GDF15: variants seen among roughly 807,000 people sequenced by gnomAD.
GDF15 encodes growth/differentiation factor 15.
GDF15 carries 10 observed loss-of-function variants against 8.9 expected under a neutral mutation model. The ratio of observed to expected loss-of-function variants is 1.12; its 90% confidence interval spans 0.69 to 1.90. The LOEUF (loss-of-function observed/expected upper bound fraction) is 1.90. Among genes scored for constraint, GDF15 ranks in the 40% most tolerant of loss-of-function variants. The pLI is 0.00. For missense variants in GDF15, 452 were observed against 434.2 expected, an observed-to-expected ratio of 1.04 and a Z score of -0.36; for synonymous variants, 228 against 210.6, an observed-to-expected ratio of 1.08 and a Z score of -0.72.
chr19:18,388,523 A>T lies in GDF15; in HGVS notation c.515A>T (p.Glu172Val). ...PPSQSDQLLA[E>V]SSSARPQLEL... ...TCGCAGTCGGACCAACTGCTGGCAGAATCTTCGTCCGCACGGCCCCAGCTG... is the reference window on the plus strand; with the variant it reads ...TCGCAGTCGGACCAACTGCTGGCAGTATCTTCGTCCGCACGGCCCCAGCTG... The change falls in exon 2 of 2, where the codon GAA becomes GTA. Residue 172 changes from glutamate to valine, a missense_variant. By Grantham distance (121) the Glu-to-Val change is moderately radical (BLOSUM62 -2). Transcript: ENST00000252809. The surrounding 1 kb of genome is among the most constrained non-coding windows in gnomAD (Gnocchi z 4.2). 2 of 1,599,888 alleles carry T rather than the reference A, an allele frequency of 1.3e-6. No homozygotes were observed. The highest frequency in any genetic ancestry group is 1.7e-6 in the Non-Finnish European group (2 of 1,175,720).
chr19:18,387,693 G>C (rs1490154674), intron 1 of GDF15, among the ~76,000 whole-genome samples: 1 of 151,902 alleles, frequency 6.6e-6, no homozygotes, highest in South Asian at 2.1e-4. Flanking sequence ...AAGATTCTAA[G>C]TAGGGAATAT....
At position 18,386,352 on chromosome 19, in the gene GDF15, G is replaced by A. The variant is rs16982331; in HGVS notation, c.163G>A (p.Glu55Lys). The change falls in exon 1 of 2, where the codon GAG becomes AAG. Residue 55 changes from glutamate to lysine, a missense_variant. Coordinates refer to ENST00000252809, the MANE Select transcript of GDF15 (RefSeq NM_004864.4). ...GCACTCCGAAGACTCCAGATTCCGA[G>A]AGTTGCGGAAACGCTACGAGGACCT... ...ELHSEDSRFR[E>K]LRKRYEDLLT... 6.2e-7 allele frequency: 1 copy of A among 1,614,148 alleles called. No homozygotes were observed. The highest frequency in any genetic ancestry group is 1.7e-5 in the Admixed American group (1 of 60,024).
intron 1 of GDF15, chr19:18,386,854 T>A: frequency 4.9e-6 from 1 of 204,006 alleles, no homozygotes. Flanking sequence ...AAGTTTGTGA[T>A]GGGCAGAGCC....
At position 18,388,361 on chromosome 19, in the gene GDF15, C is replaced by T. The variant is rs1280691975; in HGVS notation, c.353C>T (p.Ser118Phe). The change falls in exon 2 of 2, where the codon TCC (serine) becomes TTC (phenylalanine). Residue 118 changes from serine (S) to phenylalanine (F), a missense_variant. Ser to Phe is a radical substitution (Grantham distance 155). Transcript: ENST00000252809. This position sits in a 1 kb window ranked among gnomAD's most constrained non-coding sequence, Gnocchi z 4.2. ...CTTCCCGAGGGGCTCCCCGAGGCCT[C>T]CCGCCTTCACCGGGCTCTGTTCCGG... ...AALPEGLPEA[S>F]RLHRALFRLS... The T allele has an allele frequency of 6.2e-7, 1 of 1,611,798 alleles. No homozygotes were observed. Among genetic ancestry groups the T allele is most frequent in the South Asian group, 1.1e-5 (1 of 90,994 alleles).
chr19:18,387,664 G>T (rs1477897040), intron 1 of GDF15, among the ~76,000 whole-genome samples: 3 of 152,000 alleles, frequency 2.0e-5, no homozygotes, highest in Non-Finnish European at 4.4e-5. Flanking sequence ...TGTGTGCCAG[G>T]CACAGTGTCA....
chr19:18,388,500 G>GTCT lies in GDF15; in HGVS notation c.492_493insTCT (p.Ser164dup). On this transcript the variant is annotated inframe_insertion, in exon 2 of 2. Coordinates refer to ENST00000252809, the MANE Select transcript of GDF15 (RefSeq NM_004864.4). This position sits in a 1 kb window ranked among gnomAD's most constrained non-coding sequence, Gnocchi z 4.2. ...ACCTGCGACTGTCGCCGCCGCCGTCGCAGTCGGACCAACTGCTGGCAGAAT... is the reference window on the plus strand; with the variant it reads ...ACCTGCGACTGTCGCCGCCGCCGTCGTCTCAGTCGGACCAACTGCTGGCAGAAT... 2 of 1,603,484 alleles carry GTCT rather than the reference G, an allele frequency of 1.2e-6. No individual in the cohort carries two copies. The highest frequency in any genetic ancestry group is 1.7e-6 in the Non-Finnish European group (2 of 1,177,254).
In GDF15 at chr19:18,388,499, C is replaced by T. The variant is rs1305531519; in HGVS notation, c.491C>T (p.Ser164Leu). The change falls in exon 2 of 2, where the codon TCG (serine) becomes TTG (leucine). Residue 164 changes from serine (S) to leucine (L), a missense_variant. Transcript: ENST00000252809. This position sits in a 1 kb window ranked among gnomAD's most constrained non-coding sequence, Gnocchi z 4.2. ...ALHLRLSPPP[S>L]QSDQLLAESS... ...CACCTGCGACTGTCGCCGCCGCCGT[C>T]GCAGTCGGACCAACTGCTGGCAGAA... 6.2e-7 allele frequency: 1 copy of T among 1,603,842 alleles called. No individual in the cohort carries two copies. The highest frequency in any genetic ancestry group is 1.7e-5 in the Admixed American group (1 of 59,216).
Position 18,388,589 on chromosome 19 carries a change from G to T in GDF15, c.581G>T (p.Arg194Ile). 6.2e-7 allele frequency: 1 copy of T among 1,600,800 alleles called. No homozygotes were observed. ...LRPQAARGRR[R>I]ARARNGDHCP... is the part of the protein sequence containing the mutation. ...CCGCAAGCCGCCAGGGGGCGCCGCA[G>T]AGCGCGTGCGCGCAACGGGGACCAC... Residue 194 changes from arginine (R) to isoleucine (I), a missense_variant, in exon 2 of 2, where the codon AGA (arginine) becomes ATA (isoleucine). Coordinates refer to ENST00000252809, the MANE Select transcript of GDF15 (RefSeq NM_004864.4). The surrounding 1 kb of genome is among the most constrained non-coding windows in gnomAD (Gnocchi z 4.2).
rs780049947 is a variant in GDF15, at chr19:18,388,525, T to C, written c.517T>C (p.Ser173Pro). 1.3e-6 allele frequency: 2 copies of C among 1,599,368 alleles called. No homozygotes were observed. Among genetic ancestry groups the C allele is most frequent in the Non-Finnish European group, 1.7e-6 (2 of 1,175,524 alleles). Reference sequence around the variant, plus strand: ...GCAGTCGGACCAACTGCTGGCAGAATCTTCGTCCGCACGGCCCCAGCTGGA... The same window carrying C: ...GCAGTCGGACCAACTGCTGGCAGAACCTTCGTCCGCACGGCCCCAGCTGGA... Reference protein sequence around the residue: ...PSQSDQLLAESSSARPQLELH... With the variant: ...PSQSDQLLAEPSSARPQLELH... The change falls in exon 2 of 2, where the codon TCT (serine) becomes CCT (proline). Residue 173 changes from serine to proline, a missense_variant. Coordinates refer to ENST00000252809, the MANE Select transcript of GDF15 (RefSeq NM_004864.4). The surrounding 1 kb of genome is among the most constrained non-coding windows in gnomAD (Gnocchi z 4.2).
chr19:18,386,533 C>T (rs1191099141), intron 1 of GDF15, 67 bp downstream of exon 1: 1 of 1,374,980 alleles, frequency 7.3e-7, no homozygotes, highest in South Asian at 1.2e-5. Context: ...AGGGATTCCT[C>T]ATCTTGAAAA....
In GDF15 at chr19:18,388,075, T is replaced by C. The variant is rs1489988031; in HGVS notation, c.278-211T>C. ...GTCTTGAACTCCTGACCTCAAGTGA[T>C]CCACCTGCATCGGCCTCCCAAAGTG... On this transcript the variant is annotated intron_variant, in intron 1 of 1. Transcript: ENST00000252809. The surrounding 1 kb of genome is among the most constrained non-coding windows in gnomAD (Gnocchi z 4.2). 6.6e-6 allele frequency among the ~76,000 whole-genome samples: 1 copy of C among 152,114 alleles called. No homozygotes were observed. The highest frequency in any genetic ancestry group is 1.5e-5 in the Non-Finnish European group (1 of 68,018).
chr19:18,387,372 T>TA (rs1450756866), intron 1 of GDF15, among the ~76,000 whole-genome samples: 8 of 151,822 alleles, frequency 5.3e-5, no homozygotes, highest in East Asian at 1.9e-4. Context: ...CAAAAATGTT[T>TA]AAAAAAAATT....
In GDF15 at chr19:18,386,437, C is replaced by G; in HGVS notation, c.248C>G (p.Ala83Gly). 6.2e-7 allele frequency: 1 copy of G among 1,613,250 alleles called. No homozygotes were observed. Among genetic ancestry groups the G allele is most frequent in the Non-Finnish European group, 8.5e-7 (1 of 1,179,848 alleles). Reference protein sequence around the residue: ...WEDSNTDLVPAPAVRILTPEV... With the variant: ...WEDSNTDLVPGPAVRILTPEV... ...GATTCGAACACCGACCTCGTCCCGG[C>G]CCCTGCAGTCCGGATACTCACGCCA... Residue 83 changes from alanine (A) to glycine (G), a missense_variant, in exon 1 of 2, where the codon GCC becomes GGC. Coordinates refer to ENST00000252809, the MANE Select transcript of GDF15 (RefSeq NM_004864.4).
Position 18,388,938 on chromosome 19 carries a change from A to G in GDF15, c.*3A>G. On this transcript the variant is annotated 3_prime_UTR_variant, in exon 2 of 2. Coordinates refer to ENST00000252809, the MANE Select transcript of GDF15 (RefSeq NM_004864.4). The surrounding 1 kb of genome is among the most constrained non-coding windows in gnomAD (Gnocchi z 4.2). ...CCAAAGACTGCCACTGCATATGAGC[A>G]GTCCTGGTCCTTCCACTGTGCACCT... 6.3e-7 allele frequency: 1 copy of G among 1,587,960 alleles called. No homozygotes were observed. Among genetic ancestry groups the G allele is most frequent in the South Asian group, 1.1e-5 (1 of 89,772 alleles).
In GDF15 at chr19:18,388,955, T is replaced by A. The variant is rs369733944; in HGVS notation, c.*20T>A. 6.4e-7 allele frequency: 1 copy of A among 1,564,676 alleles called. No homozygotes were observed. Among genetic ancestry groups the A allele is most frequent in the African/African-American group, 1.4e-5 (1 of 74,058 alleles). On this transcript the variant is annotated 3_prime_UTR_variant, in exon 2 of 2. Transcript: ENST00000252809. The surrounding 1 kb of genome is among the most constrained non-coding windows in gnomAD (Gnocchi z 4.2). Reference sequence around the variant, plus strand: ...ATATGAGCAGTCCTGGTCCTTCCACTGTGCACCTGCGCGGAGGACGCGACC... The same window carrying A: ...ATATGAGCAGTCCTGGTCCTTCCACAGTGCACCTGCGCGGAGGACGCGACC...
rs1169254053 is a variant in GDF15 at position 18,386,285 on chromosome 19, G to C, written c.96G>C (p.Leu32=). ...TGCCGCATGGGGGCGCCCTGTCTCT[G>C]GCCGAGGCGAGCCGCGCAAGTTTCC... ...SWLPHGGALS[L]AEASRASFPG... The change falls in exon 1 of 2, where the codon CTG becomes CTC. Residue 32 remains leucine, a synonymous_variant. Transcript: ENST00000252809. The C allele has an allele frequency of 6.2e-7, 1 of 1,614,092 alleles. No homozygotes were observed. The highest frequency in any genetic ancestry group is 8.5e-7 in the Non-Finnish European group (1 of 1,180,044).
In GDF15 at chr19:18,388,576, AG is replaced by A. The variant is rs1254999181; in HGVS notation, c.573del (p.Arg192AlafsTer46). 4 of 1,599,916 alleles carry A rather than the reference AG, an allele frequency of 2.5e-6. No individual in the cohort carries two copies. The highest frequency in any genetic ancestry group is 1.7e-6 in the Non-Finnish European group (2 of 1,176,494). On this transcript the variant is annotated frameshift_variant, in exon 2 of 2. Coordinates refer to ENST00000252809, the MANE Select transcript of GDF15 (RefSeq NM_004864.4). LOFTEE classifies it low-confidence loss of function (END_TRUNC). The surrounding 1 kb of genome is among the most constrained non-coding windows in gnomAD (Gnocchi z 4.2). ...GTTGCACTTGCGGCCGCAAGCCGCCAGGGGGCGCCGCAGAGCGCGTGCGCGC... is the reference window on the plus strand; with the variant it reads ...GTTGCACTTGCGGCCGCAAGCCGCCAGGGGCGCCGCAGAGCGCGTGCGCGC... ...LELHLRPQAARGRRRARARNG... is the reference protein window; with the variant it reads ...LELHLRPQAAXGRRRARARNG...
rs1261737796 is a variant in GDF15 at position 18,388,878 on chromosome 19, C to T, written c.870C>T (p.Thr290=). Residue 290 remains threonine (T), a synonymous_variant, in exon 2 of 2, where the codon ACC becomes ACT. Coordinates refer to ENST00000252809, the MANE Select transcript of GDF15 (RefSeq NM_004864.4). The surrounding 1 kb of genome is among the most constrained non-coding windows in gnomAD (Gnocchi z 4.2). ...NPMVLIQKTD[T]GVSLQTYDDL... is the part of the protein sequence containing the mutation. Reference sequence around the variant, plus strand: ...TGGTGCTCATTCAAAAGACCGACACCGGGGTGTCGCTCCAGACCTATGATG... The same window carrying T: ...TGGTGCTCATTCAAAAGACCGACACTGGGGTGTCGCTCCAGACCTATGATG... 4 of 1,611,602 alleles carry T rather than the reference C, an allele frequency of 2.5e-6. No homozygotes were observed. The highest frequency in any genetic ancestry group is 1.7e-4 in the Middle Eastern group (1 of 6,060).
chr19:18,386,745 A>C, intron 1 of GDF15: 1 of 492,168 alleles, frequency 2.0e-6, no homozygotes. Context: ...GCACCTGGGA[A>C]ACCCGGGGAC....
Sources: gnomAD v4.1 joint callset for allele counts (sites outside exome capture counted in the v4.1 genomes callset) on GRCh38, gnomAD v4.1.1 for gene constraint, Gnocchi (gnomAD v3.1) non-coding constraint, MANE v1.5 for transcripts, NCBI Gene and HGNC (gene_info 2026-07-23, HGNC 2026-07-21) for gene names.